SEMA3E: variants seen among roughly 807,000 people sequenced by gnomAD.
SEMA3E encodes the protein semaphorin 3E, also known as semaphorin-3E.
Under a neutral mutation model 93.6 loss-of-function variants are expected in SEMA3E, and 49 were observed. The observed-to-expected ratio is 0.52, with a 90% CI of 0.42 to 0.66. The LOEUF is 0.66. SEMA3E is among the 30% of genes least tolerant of loss of function. SEMA3E has a pLI of 0.00. For synonymous variants in SEMA3E, 363 were observed against 330.7 expected (o/e 1.10, Z -1.06); for missense variants, 906 against 964.8 (o/e 0.94, Z 0.81).
At chr7:83,565,451 C>T (rs1323685362) in intron 1 of SEMA3E, among the ~76,000 whole-genome samples, 1 of 152,038 alleles carries the variant, frequency 6.6e-6, no homozygotes, top group Non-Finnish European at 1.5e-5. Flanking sequence ...CAAGAAACCA[C>T]CATGGCACAC....
At chr7:83,616,430 T>C (rs1793368355) in intron 1 of SEMA3E, among the ~76,000 whole-genome samples, 1 of 152,032 alleles carries the variant, frequency 6.6e-6, no homozygotes, top group Non-Finnish European at 1.5e-5. Flanking sequence ...CTTACCAGAA[T>C]AGGAAGGGGA....
chr7:83,570,739 A>G (rs570191343), intron 1 of SEMA3E, among the ~76,000 whole-genome samples: 258 of 151,790 alleles, frequency 1.7e-3, no homozygotes, highest in African/African-American at 6.0e-3. Flanking sequence ...CAATGAAACC[A>G]ATAATTAGTT....
chr7:83,485,508 G>C (rs1441668005), intron 2 of SEMA3E, among the ~76,000 whole-genome samples: 1 of 151,874 alleles, frequency 6.6e-6, no homozygotes, highest in African/African-American at 2.4e-5. Flanking sequence ...ATGGGTACAG[G>C]TACATAATTA....
intron 2 of SEMA3E, among the ~76,000 whole-genome samples, chr7:83,472,682 T>C (rs1789925231): frequency 6.6e-6 from 1 of 152,116 alleles, no homozygotes; most frequent in Non-Finnish European, 1.5e-5. Context: ...CACTCTACAG[T>C]TTTTACTTAA....
At chr7:83,396,208 T>G (rs535354713) in intron 12 of SEMA3E, among the ~76,000 whole-genome samples, 1 of 152,210 alleles carries the variant, frequency 6.6e-6, no homozygotes, top group South Asian at 2.1e-4. Context: ...TATTATCATC[T>G]TCTATTGTTT....
Position 83,610,376 on chromosome 7 carries a change from A to G in SEMA3E, c.115+38052T>C, listed in dbSNP as rs372474967. 5.5e-4 allele frequency among the ~76,000 whole-genome samples: 83 copies of G among 152,202 alleles called. 3 individuals are homozygous for G. In the South Asian group the frequency reaches 0.017, roughly 31 times the overall value. On this transcript the variant is annotated intron_variant, in intron 1 of 16. Coordinates refer to ENST00000643230, the MANE Select transcript of SEMA3E (RefSeq NM_012431.3). ...TTCTGGACTACTTAGAATACAGAGTATATGTTCAGAAAAAAGAATTATTTA... is the reference window on the plus strand; with the variant it reads ...TTCTGGACTACTTAGAATACAGAGTGTATGTTCAGAAAAAAGAATTATTTA...
chr7:83,402,528 G>C, intron 10 of SEMA3E, 104 bp downstream of exon 10: 1 of 1,000,814 alleles, frequency 1.0e-6, no homozygotes, highest in Non-Finnish European at 1.5e-6. Context: ...TTTAGGTATA[G>C]TATTCCTTAA....
chr7:83,453,952 T>C, intron 4 of SEMA3E, among the ~76,000 whole-genome samples: 1 of 131,072 alleles, frequency 7.6e-6, no homozygotes, highest in East Asian at 2.5e-4. Flanking sequence ...ATTTTTATTT[T>C]TACCTACTAT....
At position 83,571,912 on chromosome 7, in the gene SEMA3E, C is replaced by A. The variant is rs543841892; in HGVS notation, c.115+76516G>T. Among the ~76,000 whole-genome samples, 61 of 152,166 alleles carry A rather than the reference C, an allele frequency of 4.0e-4. No homozygotes were observed. The South Asian group carries it at 8.3e-3, about 21-fold the overall frequency. On this transcript the variant is annotated intron_variant, in intron 1 of 16. Transcript: ENST00000643230. ...AAAATCAATGTATAAACATCAGTAG[C>A]ATTTTTATGCACCAAAAACATTCTA...
intron 1 of SEMA3E, among the ~76,000 whole-genome samples, chr7:83,588,449 A>G (rs1437883808): frequency 1.3e-5 from 2 of 152,138 alleles, no homozygotes; most frequent in Non-Finnish European, 2.9e-5. Flanking sequence ...GTGAACATTA[A>G]GAACTGGCAT....
chr7:83,641,808 C>A (rs566164486), intron 1 of SEMA3E, among the ~76,000 whole-genome samples: 1 of 152,158 alleles, frequency 6.6e-6, no homozygotes, highest in Non-Finnish European at 1.5e-5. Context: ...TAGATTAATT[C>A]TCTCTGAATC....
At chr7:83,431,261 G>C (rs1337317691) in intron 4 of SEMA3E, among the ~76,000 whole-genome samples, 1 of 151,490 alleles carries the variant, frequency 6.6e-6, no homozygotes, top group African/African-American at 2.4e-5. Flanking sequence ...ATAAAATAAA[G>C]TTTTGAGAAG....
At chr7:83,490,406 G>T in intron 1 of SEMA3E, 132 bp from the exon 2 acceptor site, 2 of 844,124 alleles carry the variant, frequency 2.4e-6, no homozygotes, top group South Asian at 1.6e-5. Context: ...TACATATACT[G>T]GCAAAGAATT....
chr7:83,494,583 G>T (rs1253520232), intron 1 of SEMA3E, among the ~76,000 whole-genome samples: 1 of 151,870 alleles, frequency 6.6e-6, no homozygotes, highest in African/African-American at 2.4e-5. Flanking sequence ...GTAATGTAAA[G>T]GTGAGGACAG....
chr7:83,470,313 C>T (rs79063420), intron 2 of SEMA3E, among the ~76,000 whole-genome samples: 4,267 of 150,828 alleles, frequency 0.028, 224 homozygotes, highest in African/African-American at 0.099. Flanking sequence ...AATTGCAAAA[C>T]TTAATTTATT....
intron 1 of SEMA3E, among the ~76,000 whole-genome samples, chr7:83,556,098 A>T (rs1321473388): frequency 1.3e-5 from 2 of 152,136 alleles, no homozygotes; most frequent in Non-Finnish European, 2.9e-5. Context: ...TGTTTACATT[A>T]TATGTTTATG....
intron 11 of SEMA3E, among the ~76,000 whole-genome samples, chr7:83,398,742 G>A (rs1481161068): frequency 1.3e-5 from 2 of 152,106 alleles, no homozygotes; most frequent in Non-Finnish European, 2.9e-5. Context: ...TCAGGAGTTC[G>A]AGACCAGCCT....
At position 83,366,845 on chromosome 7, in the gene SEMA3E, A is replaced by T. The variant is rs978678622; in HGVS notation, c.*741T>A. The T allele has an allele frequency of 6.6e-6, 1 of 152,172 alleles. No individual in the cohort carries two copies. Among genetic ancestry groups the T allele is most frequent in the African/African-American group, 2.4e-5 (1 of 41,452 alleles). The allele number at this position is 152,172 out of a possible 1,614,324, so 9.4% of individuals were successfully genotyped here. On this transcript the variant is annotated 3_prime_UTR_variant, in exon 17 of 17. Transcript: ENST00000643230. Reference sequence around the variant, plus strand: ...GAGGGAAGCAAAAATCTTTTACAGTAGTTAGAATCCTAACTATAACTTCAT... The same window carrying T: ...GAGGGAAGCAAAAATCTTTTACAGTTGTTAGAATCCTAACTATAACTTCAT...
chr7:83,423,157 C>G (rs1381725963), intron 4 of SEMA3E, among the ~76,000 whole-genome samples: 1 of 152,152 alleles, frequency 6.6e-6, no homozygotes, highest in Non-Finnish European at 1.5e-5. Context: ...CAGAATCATC[C>G]TGAAATTTTT....
Sources: gnomAD v4.1 joint callset for allele counts (sites outside exome capture counted in the v4.1 genomes callset) on GRCh38, gnomAD v4.1.1 for gene constraint, MANE v1.5 for transcripts, NCBI Gene and HGNC (gene_info 2026-07-23, HGNC 2026-07-21) for gene names.